The following THSD4 variants were observed in gnomAD, a reference collection of about 807,000 sequenced individuals.
THSD4 encodes thrombospondin type-1 domain-containing protein 4.
THSD4 carries 69 observed loss-of-function variants against 119.0 expected under a neutral mutation model. That is an observed-to-expected ratio of 0.58 (90% CI 0.48 to 0.71). THSD4 has a LOEUF of 0.71. Ranked by LOEUF, THSD4 falls within the 30% of genes least tolerant of loss-of-function variation. THSD4 has a pLI of 0.00. For synonymous variants in THSD4, 524 were observed against 540.4 expected (o/e 0.97, Z 0.42); for missense variants, 1,393 against 1,391.1 (o/e 1.00, Z -0.02).
At position 71,771,476 on chromosome 15, in the gene THSD4, A is replaced by G. The variant is rs146176991; in HGVS notation, c.2914+268A>G. Among the ~76,000 whole-genome samples the G allele has an allele frequency of 5.2e-4, 79 of 152,284 alleles. No homozygotes were observed. In the East Asian group the frequency reaches 0.014, roughly 27 times the overall value. On this transcript the variant is annotated intron_variant, in intron 17 of 17. Transcript: ENST00000261862. ...GTAATGCCTTCAAAGATTTGGCTCT[A>G]TCGTCCTTAAGGTCAAAGTAGTAAA... is the stretch of plus-strand genomic sequence containing the variant.
intron 6 of THSD4, among the ~76,000 whole-genome samples, chr15:71,309,589 G>A (rs1197477335): frequency 6.6e-6 from 1 of 152,098 alleles, no homozygotes; most frequent in Admixed American, 6.5e-5. Flanking sequence ...AGGCCATAAC[G>A]ATTTACACTT....
upstream of THSD4, chr15:71,111,690 C>G: frequency 1.9e-6 from 1 of 539,740 alleles, no homozygotes; most frequent in South Asian, 2.5e-5. Context: ...TCCTTCAGAG[C>G]TTGAAATTAG....
At chr15:71,445,157 C>T (rs563559323) in intron 7 of THSD4, among the ~76,000 whole-genome samples, 6 of 152,300 alleles carry the variant, frequency 3.9e-5, no homozygotes, top group Admixed American at 3.9e-4. Flanking sequence ...GACACAGCTT[C>T]GGTGTCATTT....
Position 71,516,431 on chromosome 15 carries a change from A to G in THSD4, c.1152+104608A>G, listed in dbSNP as rs535291375. On this transcript the variant is annotated intron_variant, in intron 7 of 17. Transcript: ENST00000261862. ...ATCCCTGCTTCCTTGGCAGATCTTC[A>G]TAGTCTCATACCTCCTTTCTCTTCT... 1.4e-3 allele frequency among the ~76,000 whole-genome samples: 216 copies of G among 152,282 alleles called. 6 individuals carry two copies. In the South Asian group the frequency reaches 0.043, roughly 30 times the overall value.
chr15:71,126,400 T>C (rs2040457068), intron 1 of THSD4, among the ~76,000 whole-genome samples: 1 of 152,104 alleles, frequency 6.6e-6, no homozygotes, highest in African/African-American at 2.4e-5. Context: ...AGAGGCCAAG[T>C]GGGGAACCTG....
chr15:71,436,682 A>T (rs527692129), intron 7 of THSD4, among the ~76,000 whole-genome samples: 1 of 152,344 alleles, frequency 6.6e-6, no homozygotes, highest in South Asian at 2.1e-4. Flanking sequence ...ATTAATAAGA[A>T]AAAAAAGCAT....
At chr15:71,696,711 T>A (rs2052172257) in intron 8 of THSD4, among the ~76,000 whole-genome samples, 1 of 150,314 alleles carries the variant, frequency 6.7e-6, no homozygotes, top group African/African-American at 2.5e-5. Flanking sequence ...GGACAGAGAG[T>A]TAAAAATAAC....
chr15:71,484,783 C>A (rs2047789486), intron 7 of THSD4, among the ~76,000 whole-genome samples: 1 of 152,108 alleles, frequency 6.6e-6, no homozygotes, highest in Non-Finnish European at 1.5e-5. Context: ...ATGAAGTGAA[C>A]CCTTGTGATG....
At chr15:71,715,231 A>T (rs544920134) in intron 8 of THSD4, among the ~76,000 whole-genome samples, 1 of 152,192 alleles carries the variant, frequency 6.6e-6, no homozygotes, top group South Asian at 2.1e-4. Context: ...ATTAGCATCT[A>T]TGTACATCCT....
intron 7 of THSD4, among the ~76,000 whole-genome samples, chr15:71,467,102 G>A (rs1352972400): frequency 6.6e-6 from 1 of 152,186 alleles, no homozygotes; most frequent in African/African-American, 2.4e-5. Flanking sequence ...TGCTTTTTCT[G>A]CCTCTCCACT....
In THSD4 at chr15:71,408,291, C is replaced by T. The variant is rs144946417; in HGVS notation, c.1016-3396C>T. ...TCTGTCATCCAGGCTGGAGTGCAGT[C>T]GTACAGTCACAACTCATTGCAGCCT... On this transcript the variant is annotated intron_variant, in intron 6 of 17. Coordinates refer to ENST00000261862, the MANE Select transcript of THSD4 (RefSeq NM_024817.3). Among the ~76,000 whole-genome samples, 148 of 152,216 alleles carry T rather than the reference C, an allele frequency of 9.7e-4. 1 individual carries two copies. The East Asian group carries it at 0.026, about 26-fold the overall frequency.
chr15:71,693,133 A>G (rs563911921), intron 8 of THSD4, among the ~76,000 whole-genome samples: 12 of 152,156 alleles, frequency 7.9e-5, no homozygotes, highest in Non-Finnish European at 1.8e-4. Context: ...GGTGGGGGGA[A>G]ACCTAGCCTA....
chr15:71,543,727 G>T (rs2068740803), intron 7 of THSD4, among the ~76,000 whole-genome samples: 1 of 152,160 alleles, frequency 6.6e-6, no homozygotes, highest in African/African-American at 2.4e-5. Context: ...ACAGATGGTT[G>T]TAGAGAATCA....
intron 15 of THSD4, among the ~76,000 whole-genome samples, chr15:71,759,116 T>G (rs1442824532): frequency 6.6e-6 from 1 of 152,182 alleles, no homozygotes; most frequent in African/African-American, 2.4e-5. Context: ...AAAGTGCATG[T>G]GGTATAATGG....
chr15:71,603,737 C>T (rs186310961), intron 7 of THSD4, among the ~76,000 whole-genome samples: 1 of 152,232 alleles, frequency 6.6e-6, no homozygotes, highest in Non-Finnish European at 1.5e-5. Context: ...GCCTCTCCCT[C>T]TGGTGGGAGA....
At chr15:71,597,831 C>T (rs980938402) in intron 7 of THSD4, among the ~76,000 whole-genome samples, 3 of 152,122 alleles carry the variant, frequency 2.0e-5, no homozygotes, top group Admixed American at 6.5e-5. Flanking sequence ...CAGGGCCCTG[C>T]GATGTGTGTC....
chr15:71,331,577 G>C (rs939676623), intron 6 of THSD4, among the ~76,000 whole-genome samples: 1 of 152,168 alleles, frequency 6.6e-6, no homozygotes. Context: ...CTGCAGTCTG[G>C]CCCCCAGAGC....
At chr15:71,349,941 G>A (rs1387018650) in intron 6 of THSD4, among the ~76,000 whole-genome samples, 1 of 152,098 alleles carries the variant, frequency 6.6e-6, no homozygotes, top group East Asian at 1.9e-4. Context: ...TTCAGCAGAA[G>A]CAAAGGTTTC....
Position 71,660,607 on chromosome 15 carries a change from C to T in THSD4, c.1230C>T (p.Gly410=). The T allele has an allele frequency of 1.2e-6, 2 of 1,614,190 alleles. No individual in the cohort carries two copies. Among genetic ancestry groups the T allele is most frequent in the South Asian group, 1.1e-5 (1 of 91,082 alleles). ...KCGVCGGDNT[G]CQVVSGVFKH... ...GGGTGTGTGGAGGAGACAACACGGG[C>T]TGTCAGGTTGTGTCGGGCGTGTTTA... is the stretch of plus-strand genomic sequence containing the variant. Residue 410 remains glycine, a synonymous_variant, in exon 8 of 18, where the codon GGC becomes GGT. Coordinates refer to ENST00000261862, the MANE Select transcript of THSD4 (RefSeq NM_024817.3).
Sources: gnomAD v4.1 joint callset for allele counts (sites outside exome capture counted in the v4.1 genomes callset) on GRCh38, gnomAD v4.1.1 for gene constraint, MANE v1.5 for transcripts, NCBI Gene and HGNC (gene_info 2026-07-23, HGNC 2026-07-21) for gene names.